Variants in TERT observed in about 807,000 individuals in gnomAD.
TERT encodes the protein telomerase reverse transcriptase.
A neutral mutation model predicts 104.0 loss-of-function variants in TERT; 42 were observed. The observed-to-expected ratio is 0.40, with a 90% CI of 0.32 to 0.52. The LOEUF (loss-of-function observed/expected upper bound fraction) is 0.52, where lower values mean the gene tolerates loss of function less well. Among genes scored for constraint, TERT ranks in the 20% least tolerant of loss-of-function variants. The pLI, the probability that TERT is intolerant of heterozygous loss-of-function variation, is 0.43. For synonymous variants in TERT, 781 were observed against 725.6 expected (o/e 1.08, Z -1.23); for missense variants, 1,101 against 1,610.3 (o/e 0.68, Z 5.41).
rs919058111 is a variant in TERT, at chr5:1,279,578, C to T, written c.1951-108G>A. ...AGCCCCTCCCCAGTGTCCCCAGCCACCCAGACCCGGGACCTAGAACCCCTC... is the reference window on the plus strand; with the variant it reads ...AGCCCCTCCCCAGTGTCCCCAGCCATCCAGACCCGGGACCTAGAACCCCTC... On this transcript the variant is annotated intron_variant, in intron 4 of 15. Transcript: ENST00000310581. The T allele has an allele frequency of 5.2e-6, 6 of 1,162,478 alleles. No individual in the cohort carries two copies. In the African/African-American group the frequency reaches 7.6e-5, roughly 15 times the overall value. 72.0% of individuals were successfully genotyped at this position (1,162,478 alleles called of 1,614,324 possible).
rs1445834309 is a variant in TERT at position 1,287,535 on chromosome 5, G to A, written c.1574-4911C>T. On this transcript the variant is annotated intron_variant, in intron 2 of 15. Transcript: ENST00000310581. The surrounding 1 kb of genome is among the most constrained non-coding windows in gnomAD (Gnocchi z 4.3). ...TATATATATATATATATAAATTAAA[G>A]GCAGAAAACAGACACAGCAGGAAAA... Among the ~76,000 whole-genome samples the A allele has an allele frequency of 1.3e-5, 2 of 149,130 alleles. No individual in the cohort carries two copies. Among genetic ancestry groups the A allele is most frequent in the Non-Finnish European group, 3.0e-5 (2 of 67,372 alleles).
In TERT at chr5:1,294,424, T is replaced by A. The variant is rs558025297; in HGVS notation, c.462A>T (p.Ala154=). The change falls in exon 2 of 16, where the codon GCA becomes GCT. Residue 154 remains alanine, a synonymous_variant. Transcript: ENST00000310581. ...CCACCAGCACAAAGAGCGCGCAGCG[T>A]GCCAGCAGGTGAACCAGCACGTCGT... ...VGDDVLVHLL[A]RCALFVLVAP... is the part of the protein sequence containing the mutation. 7.5e-6 allele frequency: 12 copies of A among 1,591,414 alleles called. No homozygotes were observed. The South Asian group carries it at 1.2e-4, about 16-fold the overall frequency.
At position 1,294,273 on chromosome 5, in the gene TERT, G is replaced by A; in HGVS notation, c.613C>T (p.His205Tyr). 2 of 1,594,116 alleles carry A rather than the reference G, an allele frequency of 1.3e-6. No homozygotes were observed. The highest frequency in any genetic ancestry group is 1.7e-6 in the Non-Finnish European group (2 of 1,176,444). Residue 205 changes from histidine (H) to tyrosine (Y), a missense_variant, in exon 2 of 16, where the codon CAT becomes TAT. His to Tyr is a moderately conservative substitution (Grantham distance 83). This residue lies in a region of TERT where 504 missense variants were observed against 544.6 expected (regional missense o/e 0.93). Coordinates refer to ENST00000310581, the MANE Select transcript of TERT (RefSeq NM_198253.3). ...GGGACCCCGGCCTCCCTGACGCTAT[G>A]GTTCCAGGCCCGTTCGCATCCCAGA... is the stretch of plus-strand genomic sequence containing the variant. ...RRLGCERAWN[H>Y]SVREAGVPLG... is the part of the protein sequence containing the mutation.
intron 2 of TERT, among the ~76,000 whole-genome samples, chr5:1,289,412 C>G (rs376517797): frequency 9.7e-5 from 12 of 123,720 alleles, no homozygotes; most frequent in East Asian, 5.3e-4. Flanking sequence ...ACAGGGACAC[C>G]CGGGGACGGC....
At chr5:1,284,388 T>A (rs1451917001) in intron 2 of TERT, among the ~76,000 whole-genome samples, 9 of 137,608 alleles carry the variant, frequency 6.5e-5, no homozygotes, top group South Asian at 2.4e-4. Flanking sequence ...CCTGGAGACC[T>A]CACCCCTGAC....
chr5:1,283,366 C>T (rs1414693121), intron 2 of TERT, among the ~76,000 whole-genome samples: 4 of 135,272 alleles, frequency 3.0e-5, no homozygotes, highest in Non-Finnish European at 4.8e-5. Flanking sequence ...CGGACCTGCA[C>T]CATCTGGATA....
chr5:1,282,758 G>C, intron 2 of TERT, 134 bp from the exon 3 acceptor site: 1 of 859,098 alleles, frequency 1.2e-6, no homozygotes, highest in Non-Finnish European at 1.9e-6. Flanking sequence ...GCACCATCCG[G>C]ACACGGCACA....
intron 6 of TERT, among the ~76,000 whole-genome samples, chr5:1,278,215 C>A (rs939116778): frequency 6.6e-6 from 1 of 152,206 alleles, no homozygotes; most frequent in Non-Finnish European, 1.5e-5. Context: ...AAACCAGCAC[C>A]CGAGAGCGTG....
At chr5:1,278,512 ATATCACAGATG>A in intron 6 of TERT, 118 bp downstream of exon 6, 1 of 1,325,630 alleles carries the variant, frequency 7.5e-7, no homozygotes, top group East Asian at 2.3e-5. Context: ...CCACACACGC[ATATCACAGATG>A]TGTAAATCAT....
intron 2 of TERT, among the ~76,000 whole-genome samples, chr5:1,291,166 G>A (rs1239239836): frequency 2.5e-4 from 21 of 85,664 alleles, no homozygotes; most frequent in African/African-American, 5.7e-4. Flanking sequence ...CCTATACCTG[G>A]GAGGGACACC....
rs376251639 is a variant in TERT at position 1,272,197 on chromosome 5, G to T, written c.2370C>A (p.Val790=). 1.2e-6 allele frequency: 2 copies of T among 1,611,964 alleles called. No homozygotes were observed. The highest frequency in any genetic ancestry group is 1.7e-6 in the Non-Finnish European group (2 of 1,179,502). ...GCAGTGCCCAGACCTGCTCGATGAC[G>T]ACGGCATCCCTCAGCGGGCTGGTCT... ...LQETSPLRDA[V]VIEQSSSLNE... Residue 790 remains valine, a synonymous_variant, in exon 7 of 16, where the codon GTC becomes GTA. Coordinates refer to ENST00000310581, the MANE Select transcript of TERT (RefSeq NM_198253.3).
At chr5:1,285,001 C>A (rs867924154) in intron 2 of TERT, among the ~76,000 whole-genome samples, 4 of 137,736 alleles carry the variant, frequency 2.9e-5, no homozygotes, top group Non-Finnish European at 4.7e-5. Flanking sequence ...CAGGGCCTGG[C>A]GACCTCACCC....
In TERT at chr5:1,265,019, C is replaced by G. The variant is rs1748492153; in HGVS notation, c.2655-427G>C. On this transcript the variant is annotated intron_variant, in intron 10 of 15. Coordinates refer to ENST00000310581, the MANE Select transcript of TERT (RefSeq NM_198253.3). This position sits in a 1 kb window ranked among gnomAD's most constrained non-coding sequence, Gnocchi z 6.9. ...GTTTCTCAACGACTTTGCCTGTTTT[C>G]TCCTAGATGCCCTGAAGGCATCTGC... Among the ~76,000 whole-genome samples, 1 of 152,268 alleles carries G rather than the reference C, an allele frequency of 6.6e-6. No individual in the cohort carries two copies. The highest frequency in any genetic ancestry group is 6.5e-5 in the Admixed American group (1 of 15,290).
At chr5:1,281,384 G>C (rs1750011511) in intron 3 of TERT, among the ~76,000 whole-genome samples, 1 of 151,726 alleles carries the variant, frequency 6.6e-6, no homozygotes, top group South Asian at 2.1e-4. Context: ...TTTGGGGCAT[G>C]GGGTGTCACA....
At chr5:1,284,988 C>T in intron 2 of TERT, among the ~76,000 whole-genome samples, 1 of 148,558 alleles carries the variant, frequency 6.7e-6, no homozygotes, top group Admixed American at 6.7e-5. Context: ...ATCCAGCTCA[C>T]AGCAGGGCCT....
intron 3 of TERT, among the ~76,000 whole-genome samples, chr5:1,281,134 G>T (rs749665865): frequency 6.6e-6 from 1 of 152,126 alleles, no homozygotes; most frequent in Non-Finnish European, 1.5e-5. Flanking sequence ...TGCTCCTTCC[G>T]GTCACCCCAA....
Position 1,286,618 on chromosome 5 carries a change from C to A in TERT, c.1574-3994G>T, listed in dbSNP as rs1410817357. Among the ~76,000 whole-genome samples, 10 of 152,114 alleles carry A rather than the reference C, an allele frequency of 6.6e-5. 1 individual carries two copies. The highest frequency in any genetic ancestry group is 6.6e-4 in the Admixed American group (10 of 15,266). ...GTATGCCGGGCACGGTGGCTTGCAC[C>A]TGTAATCCCAGCACTGTGGGAGGCC... On this transcript the variant is annotated intron_variant, in intron 2 of 15. Coordinates refer to ENST00000310581, the MANE Select transcript of TERT (RefSeq NM_198253.3). The surrounding 1 kb of genome is among the most constrained non-coding windows in gnomAD (Gnocchi z 5.3).
At position 1,282,424 on chromosome 5, in the gene TERT, A is replaced by G. The variant is rs1750082976; in HGVS notation, c.1769+5T>C. 2 of 1,613,576 alleles carry G rather than the reference A, an allele frequency of 1.2e-6. No individual in the cohort carries two copies. The highest frequency in any genetic ancestry group is 1.1e-5 in the South Asian group (1 of 90,858). On this transcript the variant is annotated splice_donor_5th_base_variant and intron_variant, in intron 3 of 15. Coordinates refer to ENST00000310581, the MANE Select transcript of TERT (RefSeq NM_198253.3). ...AAGCAGAGGCCTGGCGTGGGGATACAGTACCTGATTCCAATGCTTTGCAAC... is the reference window on the plus strand; with the variant it reads ...AAGCAGAGGCCTGGCGTGGGGATACGGTACCTGATTCCAATGCTTTGCAAC...
In TERT at chr5:1,255,729, C is replaced by T. The variant is rs35387865; in HGVS notation, c.3033-318G>A. On this transcript the variant is annotated intron_variant, in intron 13 of 15. Coordinates refer to ENST00000310581, the MANE Select transcript of TERT (RefSeq NM_198253.3). This position sits in a 1 kb window ranked among gnomAD's most constrained non-coding sequence, Gnocchi z 6.9. ...GCTGGCTTCTGATTAGCCCCTGTTC[C>T]GGGAAGGCCTCTAAGGTTTCCAGTT... 8.8e-3 allele frequency among the ~76,000 whole-genome samples: 1,346 copies of T among 152,296 alleles called. 7 individuals carry two copies. Among genetic ancestry groups the T allele is most frequent in the Non-Finnish European group, 0.014 (922 of 67,998 alleles).
Sources: allele counts gnomAD v4.1 joint callset (sites outside exome capture counted in the v4.1 genomes callset), GRCh38; gene constraint gnomAD v4.1.1; regional missense constraint gnomAD v4.1.1; non-coding constraint Gnocchi (gnomAD v3.1); transcripts MANE v1.5; gene names NCBI Gene and HGNC (gene_info 2026-07-23, HGNC 2026-07-21).